UNKL: variants seen among roughly 807,000 people sequenced by gnomAD.
The protein encoded by UNKL is unk like zinc finger.
In UNKL, 60 loss-of-function variants were observed where a neutral mutation model predicts 78.0. The ratio of observed to expected loss-of-function variants is 0.77; its 90% CI spans 0.63 to 0.95. The LOEUF is 0.95. UNKL is among the 40% of genes least tolerant of loss of function. UNKL has a pLI of 0.00. For synonymous variants in UNKL, 608 were observed against 474.8 expected (o/e 1.28, Z -3.65); for missense variants, 1,159 against 1,045.7 (o/e 1.11, Z -1.49).
chr16:1,366,170 C>G lies in UNKL; in HGVS notation c.*70G>C. The G allele has an allele frequency of 7.1e-7, 1 of 1,414,900 alleles. No homozygotes were observed. Among genetic ancestry groups the G allele is most frequent in the Admixed American group, 2.7e-5 (1 of 37,604 alleles). The allele number at this position is 1,414,900 out of a possible 1,614,324, so 87.6% of individuals were successfully genotyped here. A position where few individuals can be genotyped will look rare whatever the true frequency, so the allele number is the denominator to read the frequency against. ...CGTCGGTGGCACCAGAAGCGAGTGA[C>G]GACATGTCCGTGGTCAGGAGGAGCG... On this transcript the variant is annotated 3_prime_UTR_variant, in exon 15 of 15. Coordinates refer to ENST00000389221, the MANE Select transcript of UNKL (RefSeq NM_001372107.1).
At position 1,370,226 on chromosome 16, in the gene UNKL, C is replaced by A; in HGVS notation, c.1489G>T (p.Val497Leu). The change falls in exon 12 of 15, where the codon GTG becomes TTG. Residue 497 changes from valine to leucine, a missense_variant. Physicochemically the swap from Val to Leu is conservative, Grantham distance 32. Coordinates refer to ENST00000389221, the MANE Select transcript of UNKL (RefSeq NM_001372107.1). ...GSLSQPLPGP[V>L]GSSAMTPPQQ... ...GGAGGCGTCATGGCTGAGGAGCCCA[C>A]CGGCCCTGGGAGGGGCTGGGACAGC... 6.5e-7 allele frequency: 1 copy of A among 1,530,668 alleles called. No individual in the cohort carries two copies. 94.8% of individuals were successfully genotyped at this position (1,530,668 alleles called of 1,614,324 possible).
At chr16:1,390,252 C>G (rs575250109) in intron 9 of UNKL, among the ~76,000 whole-genome samples, 1 of 152,158 alleles carries the variant, frequency 6.6e-6, no homozygotes, top group African/African-American at 2.4e-5. Context: ...TCTCAAAGTG[C>G]TGAGATTACA....
intron 7 of UNKL, among the ~76,000 whole-genome samples, chr16:1,393,930 G>A (rs1223667969): frequency 2.0e-5 from 3 of 152,204 alleles, no homozygotes; most frequent in Non-Finnish European, 2.9e-5. Context: ...CGGCGTGGAG[G>A]GAGCCCAGCC....
At chr16:1,400,987 C>A (rs1424112852) in intron 4 of UNKL, among the ~76,000 whole-genome samples, 2 of 152,232 alleles carry the variant, frequency 1.3e-5, no homozygotes, top group African/African-American at 2.4e-5. Context: ...GTGCTCCCAG[C>A]CTTACCACGT....
chr16:1,401,576 CG>C lies in UNKL; in HGVS notation c.589del (p.Arg197GlyfsTer56). 1.3e-6 allele frequency: 2 copies of C among 1,587,592 alleles called. No homozygotes were observed. Among genetic ancestry groups the C allele is most frequent in the Non-Finnish European group, 1.7e-6 (2 of 1,164,224 alleles). ...TGCGGCCGTGGAGTTACCTTGCCAC[CG>C]GGGGTCCTCGCTCAGGATCTTCTCA... ...MIEKILSEDP[R>X]WQDANFVLGS... On this transcript the variant is annotated frameshift_variant, in exon 4 of 15. Coordinates refer to ENST00000389221, the MANE Select transcript of UNKL (RefSeq NM_001372107.1). LOFTEE classifies it high-confidence loss of function.
intron 2 of UNKL, among the ~76,000 whole-genome samples, chr16:1,404,728 G>C (rs937612664): frequency 6.6e-6 from 1 of 152,220 alleles, no homozygotes; most frequent in Non-Finnish European, 1.5e-5. Context: ...GGCGCCAATG[G>C]AGTCAATAAG....
At chr16:1,376,741 G>A (rs1429210751) in intron 10 of UNKL, among the ~76,000 whole-genome samples, 2 of 152,118 alleles carry the variant, frequency 1.3e-5, no homozygotes, top group South Asian at 2.1e-4. Context: ...CGGATAGCAC[G>A]GAACCCCTAT....
In UNKL at chr16:1,392,973, C is replaced by A; in HGVS notation, c.941G>T (p.Ser314Ile). ...GCCCCATTCATTCACCATCCCCAGG[C>A]TCTCTGCAAGGACAGGGGAGCAGCA... ...PFCAFAHVEK[S>I]LGMVNEWGCH... The change falls in exon 8 of 15, where the codon AGC (serine) becomes ATC (isoleucine). Residue 314 changes from serine (S) to isoleucine (I), a missense_variant. Coordinates refer to ENST00000389221, the MANE Select transcript of UNKL (RefSeq NM_001372107.1). 6.4e-7 allele frequency: 1 copy of A among 1,550,522 alleles called. No homozygotes were observed. The highest frequency in any genetic ancestry group is 8.7e-7 in the Non-Finnish European group (1 of 1,146,992).
chr16:1,401,395 C>T (rs984573220), intron 4 of UNKL, 173 bp downstream of exon 4: 35 of 831,420 alleles, frequency 4.2e-5, no homozygotes, highest in Non-Finnish European at 5.1e-5. Context: ...AAATCCCACT[C>T]GGCACCCACC....
intron 10 of UNKL, among the ~76,000 whole-genome samples, chr16:1,378,533 C>T (rs900468971): frequency 1.3e-5 from 2 of 152,314 alleles, no homozygotes; most frequent in South Asian, 2.1e-4. Context: ...CGTGCTAAGT[C>T]GGCAGAAGCT....
In UNKL at chr16:1,399,393, G is replaced by T; in HGVS notation, c.715C>A (p.Pro239Thr). 6.2e-7 allele frequency: 1 copy of T among 1,601,128 alleles called. No homozygotes were observed. The highest frequency in any genetic ancestry group is 8.5e-7 in the Non-Finnish European group (1 of 1,173,650). ...GCTCACCTGTACTGGAACCGCCGGG[G>T]GTTGCGCCGCCTGTCCCGGCTATTG... ...YHNSRDRRRN[P>T]RRFQYRSTPC... is the part of the protein sequence containing the mutation. The change falls in exon 5 of 15, where the codon CCC (proline) becomes ACC (threonine). Residue 239 changes from proline (P) to threonine (T), a missense_variant. By Grantham distance (38) the Pro-to-Thr change is conservative. Coordinates refer to ENST00000389221, the MANE Select transcript of UNKL (RefSeq NM_001372107.1). The surrounding 1 kb of genome is among the most constrained non-coding windows in gnomAD (Gnocchi z 5.8).
chr16:1,395,513 G>A (rs983428429), intron 6 of UNKL: 2 of 329,516 alleles, frequency 6.1e-6, no homozygotes, highest in Non-Finnish European at 1.2e-5. Flanking sequence ...GCAACTACAC[G>A]GCTGGGTGTG....
chr16:1,402,048 C>T (rs749254403), intron 3 of UNKL, among the ~76,000 whole-genome samples: 21 of 152,258 alleles, frequency 1.4e-4, no homozygotes, highest in Non-Finnish European at 2.5e-4. Flanking sequence ...CATGTATGGG[C>T]CACTATGCTC....
At chr16:1,398,798 C>T (rs149761623) in intron 5 of UNKL, 21 of 1,543,912 alleles carry the variant, frequency 1.4e-5, no homozygotes, top group East Asian at 2.4e-5. Context: ...AAGCAGGCTG[C>T]GAGGTGCCAA....
rs2037407728 is a variant in UNKL at position 1,399,265 on chromosome 16, G to T, written c.734+109C>A. 4.9e-6 allele frequency: 7 copies of T among 1,416,512 alleles called. No individual in the cohort carries two copies. The highest frequency in any genetic ancestry group is 5.2e-4 in the Middle Eastern group (2 of 3,848). The allele number at this position is 1,416,512 out of a possible 1,614,324, so 87.7% of individuals were successfully genotyped here. A position where few individuals can be genotyped will look rare whatever the true frequency, so the allele number is the denominator to read the frequency against. On this transcript the variant is annotated intron_variant, in intron 5 of 14. Transcript: ENST00000389221. This position sits in a 1 kb window ranked among gnomAD's most constrained non-coding sequence, Gnocchi z 5.8. ...GCCCTCCCCTCCCGGGGATGATGGT[G>T]CCACAAGGGCAGCCCTCCCATTAGA...
chr16:1,395,937 C>G, intron 6 of UNKL: 1 of 362,358 alleles, frequency 2.8e-6, no homozygotes, highest in Non-Finnish European at 5.6e-6. Flanking sequence ...ACGCCTCCCC[C>G]TTGGCTGAGG....
chr16:1,413,872 G>A lies in UNKL; in HGVS notation c.261C>T (p.Ala87=). The change falls in exon 2 of 15, where the codon GCC becomes GCT. Residue 87 remains alanine, a synonymous_variant. Coordinates refer to ENST00000389221, the MANE Select transcript of UNKL (RefSeq NM_001372107.1). ...CGTCGCCGTCGGGGCACACGCCGGT[G>A]GCTTCGTTGTACTTGGAGCAGTACA... ...PDVYCSKYNE[A]TGVCPDGDEC... The A allele has an allele frequency of 6.5e-7, 1 of 1,533,630 alleles. No individual in the cohort carries two copies. Among genetic ancestry groups the A allele is most frequent in the Non-Finnish European group, 8.8e-7 (1 of 1,132,358 alleles).
intron 6 of UNKL, 60 bp from the exon 7 acceptor site, chr16:1,394,275 C>T (rs972761127): frequency 3.3e-6 from 5 of 1,520,564 alleles, no homozygotes; most frequent in Admixed American, 2.0e-5. Context: ...GGAAAGACCA[C>T]AGCTGGCATC....
chr16:1,384,788 G>A lies in UNKL; in HGVS notation c.1264+420C>T, dbSNP rs137912112. 3.8e-3 allele frequency among the ~76,000 whole-genome samples: 574 copies of A among 152,118 alleles called. 1 individual carries two copies. The highest frequency in any genetic ancestry group is 0.013 in the African/African-American group (539 of 41,462). On this transcript the variant is annotated intron_variant, in intron 10 of 14. Transcript: ENST00000389221. ...TAATTATTTTATTTTTAGTAGAGTC[G>A]GGGTCTCACTATGTTGCCCAGGCTG...
Sources: allele counts gnomAD v4.1 joint callset (sites outside exome capture counted in the v4.1 genomes callset), GRCh38; gene constraint gnomAD v4.1.1; non-coding constraint Gnocchi (gnomAD v3.1); transcripts MANE v1.5; gene names NCBI Gene and HGNC (gene_info 2026-07-23, HGNC 2026-07-21).